The following SND1 variants were observed in gnomAD, a reference collection of about 807,000 sequenced individuals.
SND1 encodes the protein staphylococcal nuclease and tudor domain containing 1, also known as staphylococcal nuclease domain-containing protein 1.
A neutral mutation model predicts 121.7 loss-of-function variants in SND1; 38 were observed. The observed-to-expected ratio is 0.31, with a 90% CI of 0.24 to 0.41. SND1 has a LOEUF of 0.41. Among genes scored for constraint, SND1 ranks in the 10% least tolerant of loss-of-function variants. The pLI is 1.00. For synonymous variants in SND1, 401 were observed against 447.4 expected, an observed-to-expected ratio of 0.90 and a Z score of 1.31; for missense variants, 868 against 1,184.6, an observed-to-expected ratio of 0.73 and a Z score of 3.92.
chr7:127,922,162 C>CT (rs1300582428), intron 14 of SND1, among the ~76,000 whole-genome samples: 2 of 42,644 alleles, frequency 4.7e-5, no homozygotes, highest in Non-Finnish European at 1.1e-4. Context: ...AGCTGATTTT[C>CT]TTTTTTTCTT....
At position 127,929,340 on chromosome 7, in the gene SND1, T is replaced by C. The variant is rs752562804; in HGVS notation, c.1669+11T>C. On this transcript the variant is annotated intron_variant, in intron 15 of 23. Transcript: ENST00000354725. ...CCTTCTTGCTTGCAGGTAAGTCTTA[T>C]GTGTTACATGTTACTCTGAGCTCAG... The C allele has an allele frequency of 2.1e-5, 34 of 1,613,736 alleles. No homozygotes were observed. The highest frequency in any genetic ancestry group is 2.7e-5 in the African/African-American group (2 of 74,924).
intron 21 of SND1, among the ~76,000 whole-genome samples, chr7:128,088,089 C>G (rs992932681): frequency 1.3e-5 from 2 of 152,138 alleles, no homozygotes; most frequent in Non-Finnish European, 2.9e-5. Context: ...CACAAAGTTG[C>G]TGAAGGTCAG....
chr7:127,856,808 G>T lies in SND1; in HGVS notation c.1343+12384G>T, dbSNP rs528749828. Among the ~76,000 whole-genome samples the T allele has an allele frequency of 2.0e-5, 3 of 152,260 alleles. No individual in the cohort carries two copies. The East Asian group carries it at 5.8e-4, about 29-fold the overall frequency. ...CCCTCTTCCTTCCCAATGAAAAAGG[G>T]ATCATTTTGGCATTGACTACAAAAT... On this transcript the variant is annotated intron_variant, in intron 12 of 23. Coordinates refer to ENST00000354725, the MANE Select transcript of SND1 (RefSeq NM_014390.4).
chr7:127,994,549 C>CAAAAAAAAAAAAAAAAAAAAAA (rs563548702), intron 16 of SND1, among the ~76,000 whole-genome samples: 1 of 46,238 alleles, frequency 2.2e-5, no homozygotes, highest in Non-Finnish European at 3.8e-5. Flanking sequence ...CACTTTTACT[C>CAAAAAAAAAAAAAAAAAAAAAA]AAAAAAAAAA....
chr7:127,780,733 A>G (rs1044368803), intron 10 of SND1, among the ~76,000 whole-genome samples: 6 of 152,258 alleles, frequency 3.9e-5, no homozygotes, highest in East Asian at 1.9e-4. Flanking sequence ...GTGCCTTAAC[A>G]GGCAAATTAG....
chr7:127,698,788 T>C, intron 3 of SND1, 87 bp from the exon 4 acceptor site: 1 of 970,848 alleles, frequency 1.0e-6, no homozygotes, highest in Non-Finnish European at 1.7e-6. Context: ...CTTGAGGAGC[T>C]AAGTGTGAAA....
At chr7:127,822,409 CTA>C (rs1798564187) in intron 11 of SND1, among the ~76,000 whole-genome samples, 1 of 152,136 alleles carries the variant, frequency 6.6e-6, no homozygotes, top group Non-Finnish European at 1.5e-5. Flanking sequence ...AAATTTTAGT[CTA>C]GTTTTCTCTA....
intron 13 of SND1, among the ~76,000 whole-genome samples, chr7:127,902,459 G>A (rs1190522065): frequency 6.6e-6 from 1 of 152,198 alleles, no homozygotes; most frequent in East Asian, 1.9e-4. Flanking sequence ...GCAAAATAAG[G>A]AGAGCCTGTT....
intron 16 of SND1, among the ~76,000 whole-genome samples, chr7:128,058,747 A>G (rs1793182881): frequency 6.6e-6 from 1 of 152,170 alleles, no homozygotes; most frequent in Non-Finnish European, 1.5e-5. Flanking sequence ...AAGCTTCCAC[A>G]TGCATCATTT....
At position 127,831,108 on chromosome 7, in the gene SND1, GT is replaced by G. The variant is rs547969852; in HGVS notation, c.1243-13214del. Among the ~76,000 whole-genome samples the G allele has an allele frequency of 1.3e-3, 193 of 152,274 alleles. 1 individual carries two copies. Among genetic ancestry groups the G allele is most frequent in the African/African-American group, 4.6e-3 (190 of 41,546 alleles). The stretch of plus-strand genomic sequence containing the variant: ...GGTTTTTATTGACTGTACTGTGTTG[GT>G]TAAGGGAGACAGAATGAATCCAGTT... On this transcript the variant is annotated intron_variant, in intron 11 of 23. Coordinates refer to ENST00000354725, the MANE Select transcript of SND1 (RefSeq NM_014390.4).
At chr7:127,922,956 A>G (rs1175544265) in intron 14 of SND1, among the ~76,000 whole-genome samples, 1 of 152,206 alleles carries the variant, frequency 6.6e-6, no homozygotes, top group African/African-American at 2.4e-5. Flanking sequence ...CCAAGTAAAC[A>G]GTGTGAGAAT....
chr7:127,726,788 A>G (rs1019546182), intron 10 of SND1, among the ~76,000 whole-genome samples: 4 of 152,224 alleles, frequency 2.6e-5, no homozygotes, highest in Non-Finnish European at 5.9e-5. Context: ...CAGAGCTGAA[A>G]TTTACCTTGA....
intron 16 of SND1, among the ~76,000 whole-genome samples, chr7:128,065,310 A>G (rs1793294388): frequency 6.6e-6 from 1 of 152,106 alleles, no homozygotes; most frequent in South Asian, 2.1e-4. Flanking sequence ...CTCCGTGGGA[A>G]ACCCACTGTG....
At position 127,973,773 on chromosome 7, in the gene SND1, C is replaced by T. The variant is rs1046928835; in HGVS notation, c.1670-17174C>T. 3.3e-5 allele frequency among the ~76,000 whole-genome samples: 5 copies of T among 152,258 alleles called. No individual in the cohort carries two copies. In the South Asian group the frequency reaches 1.0e-3, roughly 31 times the overall value. ...AAGGAGAGACACCATATTACTCCCC[C>T]TTCTCATTCCTTTCCAAAATTTAGC... On this transcript the variant is annotated intron_variant, in intron 15 of 23. Transcript: ENST00000354725.
intron 10 of SND1, among the ~76,000 whole-genome samples, chr7:127,763,062 T>C (rs1430489741): frequency 1.3e-5 from 2 of 152,198 alleles, no homozygotes; most frequent in Non-Finnish European, 1.5e-5. Flanking sequence ...ACAGTCTAAA[T>C]AGCCAGAAAT....
rs1306488599 is a variant in SND1, at chr7:128,085,378, C to T, written c.2235-333C>T. ...CCCTGCTGCGGCCTCCCAGGCAGAT[C>T]TGCTGGCTAATTACAGCTGCTGTTT... On this transcript the variant is annotated intron_variant, in intron 19 of 23. Coordinates refer to ENST00000354725, the MANE Select transcript of SND1 (RefSeq NM_014390.4). This position sits in a 1 kb window ranked among gnomAD's most constrained non-coding sequence, Gnocchi z 4.4. 6.6e-6 allele frequency among the ~76,000 whole-genome samples: 1 copy of T among 152,220 alleles called. No individual in the cohort carries two copies. The highest frequency in any genetic ancestry group is 1.5e-5 in the Non-Finnish European group (1 of 68,022).
At chr7:127,803,128 C>G (rs114182224) in intron 10 of SND1, among the ~76,000 whole-genome samples, 1 of 152,198 alleles carries the variant, frequency 6.6e-6, no homozygotes, top group African/African-American at 2.4e-5. Flanking sequence ...TGCTGCCTCC[C>G]GCTCCTGCAT....
At chr7:127,908,899 A>G (rs1252463184) in intron 14 of SND1, among the ~76,000 whole-genome samples, 2 of 152,198 alleles carry the variant, frequency 1.3e-5, no homozygotes, top group African/African-American at 4.8e-5. Flanking sequence ...GGGCTGGTAC[A>G]TGGCTTACTG....
intron 12 of SND1, among the ~76,000 whole-genome samples, chr7:127,865,269 CTCTGTCCT>C (rs1474694642): frequency 6.6e-6 from 1 of 152,220 alleles, no homozygotes; most frequent in African/African-American, 2.4e-5. Context: ...GTTACAGGAC[CTCTGTCCT>C]TCTATCTATA....
Sources: allele counts gnomAD v4.1 joint callset (sites outside exome capture counted in the v4.1 genomes callset), GRCh38; gene constraint gnomAD v4.1.1; non-coding constraint Gnocchi (gnomAD v3.1); transcripts MANE v1.5; gene names NCBI Gene and HGNC (gene_info 2026-07-23, HGNC 2026-07-21).